The following LRP1B variants were observed in gnomAD, a reference collection of about 807,000 sequenced individuals.
The protein encoded by LRP1B is LDL receptor related protein 1B, also known as low-density lipoprotein receptor-related protein 1B.
LRP1B carries 217 observed loss-of-function variants against 556.6 expected under a neutral mutation model. The ratio of observed to expected loss-of-function variants is 0.39; its 90% confidence interval spans 0.35 to 0.44. LRP1B has a LOEUF of 0.44. Among genes scored for constraint, LRP1B ranks in the 20% least tolerant of loss-of-function variants. The pLI is 1.00. For synonymous variants in LRP1B, 2,047 were observed against 1,865.8 expected (o/e 1.10, Z -2.50); for missense variants, 5,053 against 5,620.8 (o/e 0.90, Z 3.23).
At chr2:141,964,949 A>C (rs981930996) in intron 1 of LRP1B, among the ~76,000 whole-genome samples, 2 of 150,080 alleles carry the variant, frequency 1.3e-5, no homozygotes, top group Non-Finnish European at 3.0e-5. Context: ...ATGAACAGAC[A>C]CTTCTCAAAA....
At chr2:140,778,965 G>A (rs936924279) in intron 32 of LRP1B, among the ~76,000 whole-genome samples, 1 of 151,472 alleles carries the variant, frequency 6.6e-6, no homozygotes, top group African/African-American at 2.4e-5. Flanking sequence ...TGTTTATTTT[G>A]TAATGTTTAA....
At chr2:141,572,498 T>C (rs576875956) in intron 2 of LRP1B, among the ~76,000 whole-genome samples, 3 of 152,074 alleles carry the variant, frequency 2.0e-5, no homozygotes, top group African/African-American at 7.2e-5. Context: ...AAAAGATCAA[T>C]GACACTATGA....
rs1694305452 is a variant in LRP1B at position 140,907,981 on chromosome 2, G to T, written c.3416C>A (p.Pro1139His). ...DDCDSFLCGP[P>H]KHPCANDTSV... ...GGTGTCATTAGCACAAGGATGCTTG[G>T]GTGGTCCACACAAGAAACTGTCACA... Residue 1139 changes from proline to histidine, a missense_variant, in exon 22 of 91, where the codon CCC becomes CAC. Coordinates refer to ENST00000389484, the MANE Select transcript of LRP1B (RefSeq NM_018557.3). 6.2e-7 allele frequency: 1 copy of T among 1,613,198 alleles called. No homozygotes were observed. Among genetic ancestry groups the T allele is most frequent in the Non-Finnish European group, 8.5e-7 (1 of 1,179,436 alleles).
chr2:141,186,754 G>A (rs970217101), intron 7 of LRP1B, among the ~76,000 whole-genome samples: 19 of 152,004 alleles, frequency 1.2e-4, no homozygotes, highest in African/African-American at 4.3e-4. Context: ...ATAAAATATG[G>A]TTCTTTCATA....
At chr2:141,828,315 A>G (rs1414744883) in intron 1 of LRP1B, among the ~76,000 whole-genome samples, 1 of 152,140 alleles carries the variant, frequency 6.6e-6, no homozygotes, top group Non-Finnish European at 1.5e-5. Context: ...TATTTAAATG[A>G]CAGCAGTGTG....
intron 2 of LRP1B, among the ~76,000 whole-genome samples, chr2:141,508,588 C>G (rs1428799104): frequency 2.0e-5 from 3 of 151,894 alleles, no homozygotes; most frequent in African/African-American, 7.3e-5. Context: ...TTACTTTAGG[C>G]TCCTGGAATT....
intron 3 of LRP1B, among the ~76,000 whole-genome samples, chr2:141,275,093 C>T (rs1173337857): frequency 6.6e-6 from 1 of 152,168 alleles, no homozygotes; most frequent in Non-Finnish European, 1.5e-5. Flanking sequence ...TCCCAGGAGG[C>T]TGGTAAAAGG....
rs1226188096 is a variant in LRP1B, at chr2:140,483,597, G to GACACACACAC, written c.9425+1736_9425+1745dup. Among the ~76,000 whole-genome samples, 429 of 118,212 alleles carry GACACACACAC rather than the reference G, an allele frequency of 3.6e-3. 4 individuals are homozygous for GACACACACAC. The highest frequency in any genetic ancestry group is 5.6e-3 in the Non-Finnish European group (332 of 58,770). 77.6% of individuals were successfully genotyped at this position (118,212 alleles called of 152,430 possible). On this transcript the variant is annotated intron_variant, in intron 59 of 90. Coordinates refer to ENST00000389484, the MANE Select transcript of LRP1B (RefSeq NM_018557.3). ...ATATATGTACACACACATATATATA[G>GACACACACAC]ACACACACACACACACACATATATA...
chr2:141,008,267 T>C (rs1005715505), intron 14 of LRP1B, among the ~76,000 whole-genome samples: 3 of 151,466 alleles, frequency 2.0e-5, no homozygotes, highest in African/African-American at 7.2e-5. Context: ...ATATACATTA[T>C]ATTTTATTCA....
At chr2:141,431,387 A>C (rs994089941) in intron 3 of LRP1B, among the ~76,000 whole-genome samples, 13 of 152,162 alleles carry the variant, frequency 8.5e-5, no homozygotes, top group African/African-American at 3.1e-4. Flanking sequence ...ACAGCCAGCA[A>C]GGAAATGGGA....
chr2:141,056,556 C>T (rs1183906554), intron 9 of LRP1B, among the ~76,000 whole-genome samples: 1 of 151,830 alleles, frequency 6.6e-6, no homozygotes, highest in Non-Finnish European at 1.5e-5. Flanking sequence ...TTGTCAGATC[C>T]CAGTGAGCTT....
chr2:141,821,374 CT>C (rs899320917), intron 1 of LRP1B, among the ~76,000 whole-genome samples: 2 of 152,176 alleles, frequency 1.3e-5, no homozygotes, highest in African/African-American at 4.8e-5. Flanking sequence ...CATTAAAGGC[CT>C]TTTTCTCCTT....
intron 7 of LRP1B, among the ~76,000 whole-genome samples, chr2:141,062,482 C>T (rs1206667759): frequency 6.6e-6 from 1 of 151,762 alleles, no homozygotes; most frequent in East Asian, 1.9e-4. Context: ...GGTTAACCAA[C>T]AACTGTAAAA....
intron 3 of LRP1B, among the ~76,000 whole-genome samples, chr2:141,273,687 A>G (rs139530750): frequency 4.1e-4 from 63 of 152,334 alleles, no homozygotes; most frequent in Admixed American, 1.6e-3. Context: ...CTTGTTTGGT[A>G]TGATATAAAA....
Position 140,509,973 on chromosome 2 carries a change from T to C in LRP1B, c.8353A>G (p.Arg2785Gly), listed in dbSNP as rs2104917111. 1 of 1,613,976 alleles carries C rather than the reference T, an allele frequency of 6.2e-7. No homozygotes were observed. The highest frequency in any genetic ancestry group is 8.5e-7 in the Non-Finnish European group (1 of 1,180,022). The change falls in exon 52 of 91, where the codon AGG (arginine) becomes GGG (glycine). Residue 2785 changes from arginine (R) to glycine (G), a missense_variant. This residue lies in a region of LRP1B where 3,619 missense variants were observed against 3,931.9 expected (regional missense o/e 0.92). Transcript: ENST00000389484. Reference protein sequence around the residue: ...VPRHWLCDGERDCPDGSDELS... With the variant: ...VPRHWLCDGEGDCPDGSDELS... Reference sequence around the variant, plus strand: ...TCATCGCTTCCATCTGGACAGTCCCTTTCACCATCACAAAGCCAATGTCGG... The same window carrying C: ...TCATCGCTTCCATCTGGACAGTCCCCTTCACCATCACAAAGCCAATGTCGG...
At chr2:141,310,198 C>G (rs1300415300) in intron 3 of LRP1B, among the ~76,000 whole-genome samples, 1 of 152,000 alleles carries the variant, frequency 6.6e-6, no homozygotes, top group East Asian at 1.9e-4. Flanking sequence ...AGAAAGAAAA[C>G]CCAAGCATTT....
intron 60 of LRP1B, among the ~76,000 whole-genome samples, chr2:140,460,288 C>T: frequency 6.6e-6 from 1 of 152,188 alleles, no homozygotes; most frequent in Non-Finnish European, 1.5e-5. Flanking sequence ...GAACCATGAG[C>T]CAACTAAACT....
chr2:141,150,869 T>TTGTGTGTGTGTGTGTGTGTGTGTGTG (rs56107003), intron 7 of LRP1B, among the ~76,000 whole-genome samples: 9 of 138,624 alleles, frequency 6.5e-5, no homozygotes, highest in African/African-American at 1.9e-4. Flanking sequence ...TCATGCTGGT[T>TTGTGTGTGTGTGTGTGTGTGTGTGTG]TGTGTGTGTG....
chr2:140,511,869 C>A (rs1689676257), intron 51 of LRP1B, among the ~76,000 whole-genome samples: 1 of 152,112 alleles, frequency 6.6e-6, no homozygotes, highest in African/African-American at 2.4e-5. Flanking sequence ...ATAAAATTAT[C>A]TTTCCACAGA....
Sources: allele counts gnomAD v4.1 joint callset (sites outside exome capture counted in the v4.1 genomes callset), GRCh38; gene constraint gnomAD v4.1.1; regional missense constraint gnomAD v4.1.1; transcripts MANE v1.5; gene names NCBI Gene and HGNC (gene_info 2026-07-23, HGNC 2026-07-21).